ZFP1: variants seen among roughly 807,000 people sequenced by gnomAD.
ZFP1 encodes the protein ZFP1 zinc finger protein.
Under a neutral mutation model 38.5 loss-of-function variants are expected in ZFP1, and 32 were observed. The observed-to-expected ratio is 0.83, with a 90% CI of 0.63 to 1.12. ZFP1 has a LOEUF of 1.12. Ranked by LOEUF, ZFP1 falls within the 50% of genes most tolerant of loss-of-function variation. ZFP1 has a pLI of 0.00. For missense variants in ZFP1, 616 were observed against 480.8 expected (o/e 1.28, Z -2.63); for synonymous variants, 245 against 168.8 (o/e 1.45, Z -3.50).
the ZFP1 span, among the ~76,000 whole-genome samples, chr16:75,143,275 C>G: frequency 6.6e-6 from 1 of 152,016 alleles, no homozygotes; most frequent in East Asian, 1.9e-4. Flanking sequence ...GAGTCTCACT[C>G]TTGTTGCCCA....
At chr16:75,131,325 G>A in the ZFP1 span, among the ~76,000 whole-genome samples, 1 of 152,266 alleles carries the variant, frequency 6.6e-6, no homozygotes. Flanking sequence ...ATGAGCAGCA[G>A]TTTTCCAGGT....
the ZFP1 span, among the ~76,000 whole-genome samples, chr16:75,128,698 A>G: frequency 6.6e-6 from 1 of 152,358 alleles, no homozygotes; most frequent in South Asian, 2.1e-4. Context: ...GTGTTTTCAT[A>G]AAGCCCTGTG....
At chr16:75,152,793 C>A (rs987900436) in intron 1 of ZFP1, 116 bp from the exon 2 acceptor site, 2 of 890,692 alleles carry the variant, frequency 2.2e-6, no homozygotes, top group Non-Finnish European at 3.5e-6. Context: ...AAGGGACTTT[C>A]CCAGGAGGTG....
At chr16:75,145,639 A>G (rs2036934998), upstream of ZFP1, among the ~76,000 whole-genome samples, 1 of 152,130 alleles carries the variant, frequency 6.6e-6, no homozygotes, top group Admixed American at 6.6e-5. Flanking sequence ...AAAAGAGAAG[A>G]AGCAATTGAG....
the ZFP1 span, among the ~76,000 whole-genome samples, chr16:75,129,862 GT>G: frequency 6.6e-6 from 1 of 152,316 alleles, no homozygotes; most frequent in Non-Finnish European, 1.5e-5. Flanking sequence ...ACCAAGGCAA[GT>G]TTTAGAGCAG....
At chr16:75,149,671 G>A (rs970965691) in intron 1 of ZFP1, among the ~76,000 whole-genome samples, 3 of 146,004 alleles carry the variant, frequency 2.1e-5, no homozygotes, top group Non-Finnish European at 4.5e-5. Flanking sequence ...GTAGTGCTCT[G>A]CCTCAGCCTC....
the ZFP1 span, among the ~76,000 whole-genome samples, chr16:75,135,208 T>TAAAAAAAAAAA: frequency 1.3e-3 from 2 of 1,554 alleles, no homozygotes; most frequent in Non-Finnish European, 2.6e-3. Flanking sequence ...AGACCTTATC[T>TAAAAAAAAAAA]CAAAAAAAAA....
chr16:75,130,641 G>T, the ZFP1 span, among the ~76,000 whole-genome samples: 1 of 152,148 alleles, frequency 6.6e-6, no homozygotes, highest in Non-Finnish European at 1.5e-5. Flanking sequence ...CCTGGAGCAG[G>T]CTGCCACCAA....
At chr16:75,164,015 G>C (rs773329654) in intron 2 of ZFP1, among the ~76,000 whole-genome samples, 2 of 152,154 alleles carry the variant, frequency 1.3e-5, no homozygotes, top group Non-Finnish European at 2.9e-5. Context: ...CATGCTCTTT[G>C]TTTAATCACT....
At chr16:75,152,665 A>G (rs1347370341) in intron 1 of ZFP1, among the ~76,000 whole-genome samples, 1 of 152,112 alleles carries the variant, frequency 6.6e-6, no homozygotes, top group Non-Finnish European at 1.5e-5. Context: ...GGTTCTGTTG[A>G]TTGTTTTGCC....
At chr16:75,146,672 C>T, upstream of ZFP1, among the ~76,000 whole-genome samples, 1 of 152,116 alleles carries the variant, frequency 6.6e-6, no homozygotes, top group East Asian at 1.9e-4. Context: ...GGCACAGTGG[C>T]TCATCCCTAT....
chr16:75,167,291 G>T (rs1051017214), intron 3 of ZFP1, among the ~76,000 whole-genome samples: 1 of 152,136 alleles, frequency 6.6e-6, no homozygotes, highest in Non-Finnish European at 1.5e-5. Flanking sequence ...ATACTTTTCA[G>T]CAATCTGTTT....
At chr16:75,126,049 C>CA in the ZFP1 span, 46,011 of 118,680 alleles carry the variant, frequency 0.39, 9,359 homozygotes, top group Middle Eastern at 0.55. Flanking sequence ...AACTCCATCT[C>CA]AAAAAAAAAA....
At chr16:75,143,829 T>C (rs904935696), upstream of ZFP1, among the ~76,000 whole-genome samples, 1 of 151,886 alleles carries the variant, frequency 6.6e-6, no homozygotes, top group Non-Finnish European at 1.5e-5. Flanking sequence ...TTTTTGTTTA[T>C]TTTTTTGGTA....
At chr16:75,153,196 C>T (rs2037294819) in intron 2 of ZFP1, among the ~76,000 whole-genome samples, 2 of 152,052 alleles carry the variant, frequency 1.3e-5, no homozygotes, top group Admixed American at 6.6e-5. Flanking sequence ...TTTTATGGAC[C>T]TTCATATAGA....
intron 2 of ZFP1, among the ~76,000 whole-genome samples, chr16:75,166,391 G>A (rs2038083740): frequency 1.3e-5 from 2 of 152,086 alleles, no homozygotes; most frequent in Non-Finnish European, 2.9e-5. Flanking sequence ...GTGCCACCAT[G>A]CCCGACTAAA....
chr16:75,170,598 GAATT>G lies in ZFP1; in HGVS notation c.*265_*268del, dbSNP rs1310209102. 10 of 372,616 alleles carry G rather than the reference GAATT, an allele frequency of 2.7e-5. No homozygotes were observed. The highest frequency in any genetic ancestry group is 1.0e-4 in the African/African-American group (5 of 48,756). The allele number at this position is 372,616 out of a possible 1,614,324, so 23.1% of individuals were successfully genotyped here. A position where few individuals can be genotyped will look rare whatever the true frequency, so the allele number is the denominator to read the frequency against. ...CAATGAGCTTTTTAAAATCTTGAAT[GAATT>G]GAGTATTCTAGACAGCAGCATAAGA... On this transcript the variant is annotated 3_prime_UTR_variant, in exon 4 of 4. Coordinates refer to ENST00000570010, the MANE Select transcript of ZFP1 (RefSeq NM_153688.4).
the ZFP1 span, among the ~76,000 whole-genome samples, chr16:75,122,734 A>G: frequency 2.0e-5 from 3 of 152,244 alleles, no homozygotes; most frequent in Non-Finnish European, 2.9e-5. Flanking sequence ...TTGTTTTGGA[A>G]AAGCACTGTT....
At chr16:75,156,251 C>T (rs762632073) in intron 2 of ZFP1, among the ~76,000 whole-genome samples, 3 of 152,064 alleles carry the variant, frequency 2.0e-5, no homozygotes, top group East Asian at 1.9e-4. Flanking sequence ...GTCAGGAGAT[C>T]GAGACCAGCC....
Sources: allele counts gnomAD v4.1 joint callset (sites outside exome capture counted in the v4.1 genomes callset), GRCh38; gene constraint gnomAD v4.1.1; transcripts MANE v1.5; gene names NCBI Gene and HGNC (gene_info 2026-07-23, HGNC 2026-07-21).